The following KLHL3 variants were observed in gnomAD, a reference collection of about 807,000 sequenced individuals.
KLHL3 encodes kelch-like protein 3.
Under a neutral mutation model 70.5 loss-of-function variants are expected in KLHL3, and 19 were observed. The observed-to-expected ratio is 0.27, with a 90% CI of 0.19 to 0.40. The LOEUF (loss-of-function observed/expected upper bound fraction) is 0.40, where lower values mean the gene tolerates loss of function less well. Among genes scored for constraint, KLHL3 ranks in the 10% least tolerant of loss-of-function variants. KLHL3 has a pLI of 1.00. For missense variants in KLHL3, 512 were observed against 771.1 expected (o/e 0.66, Z 3.98); for synonymous variants, 258 against 290.3 (o/e 0.89, Z 1.13).
intron 6 of KLHL3, among the ~76,000 whole-genome samples, chr5:137,667,982 TGA>T (rs1484612981): frequency 6.7e-6 from 1 of 150,088 alleles, no homozygotes; most frequent in Non-Finnish European, 1.5e-5. Context: ...GGAAACAGCC[TGA>T]GAGAGGTTAG....
At chr5:137,636,407 C>CA (rs1176713866) in intron 11 of KLHL3, among the ~76,000 whole-genome samples, 1 of 152,212 alleles carries the variant, frequency 6.6e-6, no homozygotes, top group Non-Finnish European at 1.5e-5. Flanking sequence ...CACATTACTA[C>CA]AAGTTGATGA....
Position 137,735,667 on chromosome 5 carries a change from T to C in KLHL3, c.-21A>G. On this transcript the variant is annotated 5_prime_UTR_variant, in exon 1 of 15. Coordinates refer to ENST00000309755, the MANE Select transcript of KLHL3 (RefSeq NM_017415.3). ...TCCATTGTGTGAGGCCCAGCCAGGG[T>C]GGTAGCTGCTGAACTGTGTATGCAC... The C allele has an allele frequency of 6.2e-7, 1 of 1,614,090 alleles. No individual in the cohort carries two copies.
chr5:137,683,765 TTC>T (rs10551182), intron 5 of KLHL3, among the ~76,000 whole-genome samples: 68,815 of 149,998 alleles, frequency 0.46, 17,115 homozygotes, highest in African/African-American at 0.65. Flanking sequence ...CTAGCTCTCT[TTC>T]TCTCTCTCTC....
At chr5:137,624,077 C>T (rs1184677965) in intron 14 of KLHL3, among the ~76,000 whole-genome samples, 1 of 152,116 alleles carries the variant, frequency 6.6e-6, no homozygotes, top group Non-Finnish European at 1.5e-5. Flanking sequence ...TATAAATATC[C>T]CATAGATTAT....
intron 8 of KLHL3, among the ~76,000 whole-genome samples, chr5:137,644,940 C>G (rs1224022199): frequency 7.2e-5 from 11 of 152,158 alleles, no homozygotes; most frequent in Non-Finnish European, 1.6e-4. Context: ...TGAAATTCAA[C>G]AGCACATTGA....
chr5:137,695,320 A>G (rs542975895), intron 4 of KLHL3, among the ~76,000 whole-genome samples: 5 of 152,158 alleles, frequency 3.3e-5, no homozygotes, highest in Non-Finnish European at 7.4e-5. Flanking sequence ...ATCCTGTTTG[A>G]GTCCACTCCT....
At chr5:137,664,158 C>T (rs187256120) in intron 6 of KLHL3, among the ~76,000 whole-genome samples, 1 of 151,876 alleles carries the variant, frequency 6.6e-6, no homozygotes, top group Non-Finnish European at 1.5e-5. Flanking sequence ...TCAAGACCAG[C>T]CTGGGCAACA....
chr5:137,699,118 G>T (rs1752512206), intron 3 of KLHL3, among the ~76,000 whole-genome samples: 1 of 152,122 alleles, frequency 6.6e-6, no homozygotes, highest in South Asian at 2.1e-4. Context: ...GAACACAGAG[G>T]AGGGAGCAAC....
chr5:137,694,515 G>C (rs1348162928), intron 4 of KLHL3, among the ~76,000 whole-genome samples: 1 of 152,050 alleles, frequency 6.6e-6, no homozygotes, highest in African/African-American at 2.4e-5. Context: ...TGCTCAGCCC[G>C]GCCGAACAGA....
chr5:137,689,827 T>C (rs1752272806), intron 5 of KLHL3, among the ~76,000 whole-genome samples: 1 of 152,130 alleles, frequency 6.6e-6, no homozygotes, highest in Non-Finnish European at 1.5e-5. Flanking sequence ...ATTTTAAATT[T>C]TAAAAAAGGT....
intron 8 of KLHL3, among the ~76,000 whole-genome samples, chr5:137,642,012 G>C (rs1214945184): frequency 6.6e-6 from 1 of 152,142 alleles, no homozygotes; most frequent in Non-Finnish European, 1.5e-5. Context: ...GCTTAGACAG[G>C]CATCCATGAA....
intron 12 of KLHL3, among the ~76,000 whole-genome samples, chr5:137,630,136 T>C (rs1203459109): frequency 6.6e-6 from 1 of 152,158 alleles, no homozygotes; most frequent in African/African-American, 2.4e-5. Context: ...AGGTGAGACT[T>C]GCCCAAATCT....
At chr5:137,658,338 T>C in intron 7 of KLHL3, 58 bp from the exon 8 acceptor site, 27 of 1,558,486 alleles carry the variant, frequency 1.7e-5, no homozygotes, top group Non-Finnish European at 1.2e-5. Flanking sequence ...TTTCCCAAGC[T>C]TTCACCCTGG....
At chr5:137,705,418 C>G (rs554556479) in intron 3 of KLHL3, among the ~76,000 whole-genome samples, 3 of 152,210 alleles carry the variant, frequency 2.0e-5, no homozygotes, top group Non-Finnish European at 2.9e-5. Context: ...CCCCTTGTCT[C>G]TCACCCCCAG....
chr5:137,708,649 A>G lies in KLHL3; in HGVS notation c.241+1101T>C, dbSNP rs867682501. Among the ~76,000 whole-genome samples the G allele has an allele frequency of 2.1e-4, 32 of 152,344 alleles. No individual in the cohort carries two copies. The Middle Eastern group carries it at 0.014, about 65-fold the overall frequency. ...GTGAGGAGAGACAGGTAAAAAACAC[A>G]TAACAACAAACCAAGACGATTTTCA... On this transcript the variant is annotated intron_variant, in intron 3 of 14. Coordinates refer to ENST00000309755, the MANE Select transcript of KLHL3 (RefSeq NM_017415.3).
chr5:137,632,185 G>A (rs1338396206), intron 12 of KLHL3, among the ~76,000 whole-genome samples: 1 of 152,026 alleles, frequency 6.6e-6, no homozygotes, highest in Non-Finnish European at 1.5e-5. Context: ...CCAAAAAAGA[G>A]CCCGAATAGC....
intron 6 of KLHL3, among the ~76,000 whole-genome samples, chr5:137,671,389 C>A (rs1335642004): frequency 3.9e-5 from 6 of 152,118 alleles, no homozygotes; most frequent in Non-Finnish European, 7.4e-5. Context: ...GCAATTATTT[C>A]TCTTGGCCAC....
chr5:137,660,511 G>A (rs186936105), intron 7 of KLHL3, among the ~76,000 whole-genome samples: 1 of 152,296 alleles, frequency 6.6e-6, no homozygotes, highest in Admixed American at 6.5e-5. Context: ...AAGATATGCT[G>A]CCACCAGGTG....
intron 6 of KLHL3, among the ~76,000 whole-genome samples, chr5:137,669,139 C>A (rs1203564015): frequency 6.6e-6 from 1 of 152,108 alleles, no homozygotes; most frequent in East Asian, 1.9e-4. Context: ...CATTACCCAA[C>A]AAATTAGTGA....
Sources: allele counts gnomAD v4.1 joint callset (sites outside exome capture counted in the v4.1 genomes callset), GRCh38; gene constraint gnomAD v4.1.1; transcripts MANE v1.5; gene names NCBI Gene and HGNC (gene_info 2026-07-23, HGNC 2026-07-21).